The following RERG variants were observed in gnomAD, a reference collection of about 807,000 sequenced individuals.
The protein encoded by RERG is RAS like estrogen regulated growth inhibitor, also known as ras-related and estrogen-regulated growth inhibitor.
RERG carries 25 observed loss-of-function variants against 23.2 expected under a neutral mutation model. That is an observed-to-expected ratio of 1.08 (90% confidence interval 0.79 to 1.50). RERG has a LOEUF of 1.50. Among genes scored for constraint, RERG ranks in the 40% most tolerant of loss-of-function variants. The probability of loss-of-function intolerance (pLI) is 0.00; values close to 1 mark genes in which losing one functional copy is unlikely to be tolerated. For missense variants in RERG, 253 were observed against 250.1 expected (o/e 1.01, Z -0.08); for synonymous variants, 81 against 89.1 (o/e 0.91, Z 0.51).
intron 2 of RERG, among the ~76,000 whole-genome samples, chr12:15,205,856 C>T (rs1007762385): frequency 6.6e-6 from 1 of 152,012 alleles, no homozygotes; most frequent in African/African-American, 2.4e-5. Flanking sequence ...TTCTATCTAC[C>T]ATTGCATAAG....
intron 2 of RERG, among the ~76,000 whole-genome samples, chr12:15,211,176 T>C (rs1865360731): frequency 6.6e-6 from 1 of 152,036 alleles, no homozygotes; most frequent in South Asian, 2.1e-4. Flanking sequence ...GATTATATAA[T>C]CTTATGTCCA....
chr12:15,170,130 GAAT>G (rs1304906112), intron 2 of RERG, among the ~76,000 whole-genome samples: 1 of 149,962 alleles, frequency 6.7e-6, no homozygotes, highest in African/African-American at 2.5e-5. Flanking sequence ...ACTCCAAAGT[GAAT>G]AAAACTTAAG....
intron 1 of RERG, among the ~76,000 whole-genome samples, chr12:15,218,418 G>A (rs1036479518): frequency 1.3e-5 from 2 of 151,036 alleles, no homozygotes; most frequent in African/African-American, 2.5e-5. Flanking sequence ...GGTGGTGGGG[G>A]CTGGAGTGGG....
intron 1 of RERG, 33 bp from the exon 2 acceptor site, chr12:15,217,636 G>A (rs1334215241): frequency 1.6e-6 from 1 of 631,756 alleles, no homozygotes; most frequent in Non-Finnish European, 2.8e-6. Context: ...ATTCATAAGT[G>A]ACTGGAAAAT....
At chr12:15,180,599 T>G (rs1864910553) in intron 2 of RERG, among the ~76,000 whole-genome samples, 1 of 152,130 alleles carries the variant, frequency 6.6e-6, no homozygotes, top group African/African-American at 2.4e-5. Context: ...CACAGCACCC[T>G]CTAACTGGAG....
At chr12:15,165,213 C>T (rs1864670093) in intron 2 of RERG, among the ~76,000 whole-genome samples, 1 of 152,162 alleles carries the variant, frequency 6.6e-6, no homozygotes, top group Admixed American at 6.5e-5. Flanking sequence ...GCGGCGACCA[C>T]TCAAAGACAG....
intron 2 of RERG, among the ~76,000 whole-genome samples, chr12:15,177,383 G>A (rs1485538227): frequency 6.6e-6 from 1 of 152,192 alleles, no homozygotes; most frequent in Admixed American, 6.5e-5. Flanking sequence ...AACCCAGGAG[G>A]TGGAGGTTGC....
intron 2 of RERG, among the ~76,000 whole-genome samples, chr12:15,156,396 C>A (rs1379090260): frequency 6.6e-6 from 1 of 152,166 alleles, no homozygotes; most frequent in Non-Finnish European, 1.5e-5. Context: ...AGGTTAAGAA[C>A]CCTGCCATAC....
intron 2 of RERG, among the ~76,000 whole-genome samples, chr12:15,152,314 C>T (rs1269301209): frequency 6.6e-6 from 1 of 152,182 alleles, no homozygotes; most frequent in East Asian, 1.9e-4. Context: ...GCTTCAAATG[C>T]ACCAATTCAC....
intron 3 of RERG, among the ~76,000 whole-genome samples, chr12:15,116,316 G>T (rs1304036663): frequency 6.6e-6 from 1 of 152,192 alleles, no homozygotes; most frequent in Non-Finnish European, 1.5e-5. Flanking sequence ...CAGCCCCAGA[G>T]ACTGGAAAAC....
At position 15,109,258 on chromosome 12, in the gene RERG, G is replaced by C. The variant is rs751294438; in HGVS notation, c.452C>G (p.Thr151Ser). 2 of 1,614,008 alleles carry C rather than the reference G, an allele frequency of 1.2e-6. No individual in the cohort carries two copies. The highest frequency in any genetic ancestry group is 1.7e-5 in the Admixed American group (1 of 60,000). ...TATCTCTGTGATGTTCCCTTCTCCA[G>C]TGCAGGCAGAGCACTCGTAAAAAGC... ...ACAFYECSACTGEGNITEIFY... is the reference protein window; with the variant it reads ...ACAFYECSACSGEGNITEIFY... Residue 151 changes from threonine (T) to serine (S), a missense_variant, in exon 5 of 5, where the codon ACT becomes AGT. Transcript: ENST00000256953.
At chr12:15,177,136 A>G (rs1283039982) in intron 2 of RERG, among the ~76,000 whole-genome samples, 1 of 152,218 alleles carries the variant, frequency 6.6e-6, no homozygotes, top group African/African-American at 2.4e-5. Flanking sequence ...TTTTGGCATG[A>G]TAAGTTCTAG....
chr12:15,134,868 C>T (rs1300837957), intron 2 of RERG, among the ~76,000 whole-genome samples: 1 of 152,132 alleles, frequency 6.6e-6, no homozygotes, highest in African/African-American at 2.4e-5. Context: ...ACCTCAGCTG[C>T]CCAAAATGCT....
At chr12:15,219,199 G>A (rs1865483196) in intron 1 of RERG, among the ~76,000 whole-genome samples, 2 of 152,194 alleles carry the variant, frequency 1.3e-5, no homozygotes, top group Admixed American at 1.3e-4. Flanking sequence ...TGTGTTAAAT[G>A]TTCCTGCCAG....
chr12:15,141,143 T>C (rs1201661129), intron 2 of RERG, among the ~76,000 whole-genome samples: 1 of 150,238 alleles, frequency 6.7e-6, no homozygotes, highest in Non-Finnish European at 1.5e-5. Flanking sequence ...GAGGTTCCTA[T>C]TGATGTGTCT....
chr12:15,187,333 A>G (rs1309450083), intron 2 of RERG, among the ~76,000 whole-genome samples: 1 of 152,120 alleles, frequency 6.6e-6, no homozygotes, highest in African/African-American at 2.4e-5. Flanking sequence ...AAGTCTAACT[A>G]TATTAATACA....
chr12:15,161,710 A>G (rs1375595761), intron 2 of RERG, among the ~76,000 whole-genome samples: 1 of 152,202 alleles, frequency 6.6e-6, no homozygotes, highest in Non-Finnish European at 1.5e-5. Flanking sequence ...CTCTGCCTTC[A>G]TGCAGCTTAC....
chr12:15,150,687 C>T (rs1864426126), intron 2 of RERG, among the ~76,000 whole-genome samples: 1 of 152,174 alleles, frequency 6.6e-6, no homozygotes, highest in Admixed American at 6.5e-5. Context: ...GATCTCTCAG[C>T]TATTAGGTGG....
intron 2 of RERG, among the ~76,000 whole-genome samples, chr12:15,148,659 G>A (rs567453736): frequency 6.6e-6 from 1 of 152,250 alleles, no homozygotes; most frequent in Non-Finnish European, 1.5e-5. Context: ...AAGGAGTCAT[G>A]AAGTGAATGA....
Sources: gnomAD v4.1 joint callset for allele counts (sites outside exome capture counted in the v4.1 genomes callset) on GRCh38, gnomAD v4.1.1 for gene constraint, MANE v1.5 for transcripts, NCBI Gene and HGNC (gene_info 2026-07-23, HGNC 2026-07-21) for gene names.